The following STK32C variants were observed in gnomAD, a reference collection of about 807,000 sequenced individuals.
STK32C encodes serine/threonine kinase 32C.
STK32C carries 31 observed loss-of-function variants against 56.5 expected under a neutral mutation model. The ratio of observed to expected loss-of-function variants is 0.55; its 90% CI spans 0.41 to 0.74. STK32C has a LOEUF of 0.74. Among genes scored for constraint, STK32C ranks in the 30% least tolerant of loss-of-function variants. The pLI, the probability that STK32C is intolerant of heterozygous loss-of-function variation, is 0.00. For synonymous variants in STK32C, 309 were observed against 289.4 expected, an observed-to-expected ratio of 1.07 and a Z score of -0.69; for missense variants, 544 against 676.9, an observed-to-expected ratio of 0.80 and a Z score of 2.18.
chr10:132,286,622 CACAA>C (rs2065412245), intron 1 of STK32C, among the ~76,000 whole-genome samples: 1 of 152,096 alleles, frequency 6.6e-6, no homozygotes, highest in Non-Finnish European at 1.5e-5. Context: ...TAACTTATTA[CACAA>C]ACAAAATAAA....
At chr10:132,279,556 T>C (rs1441165619) in intron 1 of STK32C, among the ~76,000 whole-genome samples, 1 of 151,790 alleles carries the variant, frequency 6.6e-6, no homozygotes, top group East Asian at 1.9e-4. Flanking sequence ...GCACAGGAGG[T>C]CAAGGCTGCA....
rs145443489 is a variant in STK32C, at chr10:132,208,067, C to T, written c.1404G>A (p.Ala468=). 6 of 1,310,682 alleles carry T rather than the reference C, an allele frequency of 4.6e-6. No homozygotes were observed. Among genetic ancestry groups the T allele is most frequent in the East Asian group, 2.8e-5 (1 of 35,610 alleles). 81.2% of individuals were successfully genotyped at this position (1,310,682 alleles called of 1,614,324 possible). The part of the protein sequence containing the change: ...RDAAEPVEDE[A]ERSALPMCGP... ...CGCACATGGGCAGGGCGGAGCGTTC[C>T]GCCTCGTCCTCCACAGGCTCCGCAG... is the stretch of plus-strand genomic sequence containing the variant. Residue 468 remains alanine (A), a synonymous_variant, in exon 12 of 12, where the codon GCG becomes GCA. Coordinates refer to ENST00000298630, the MANE Select transcript of STK32C (RefSeq NM_173575.4).
chr10:132,216,334 C>T (rs753578085), intron 10 of STK32C, among the ~76,000 whole-genome samples: 11 of 151,862 alleles, frequency 7.2e-5, no homozygotes, highest in South Asian at 2.1e-4. Context: ...TGTGGTGGTG[C>T]GTGCCTGTAA....
At chr10:132,283,993 G>A (rs559455544) in intron 1 of STK32C, among the ~76,000 whole-genome samples, 23 of 152,150 alleles carry the variant, frequency 1.5e-4, no homozygotes, top group South Asian at 6.2e-4. Context: ...AAACCTGTCT[G>A]GCCACGGAAT....
chr10:132,216,394 G>A lies in STK32C; in HGVS notation c.1251+6247C>T, dbSNP rs1319770443. Among the ~76,000 whole-genome samples the A allele has an allele frequency of 3.3e-5, 5 of 151,342 alleles. No homozygotes were observed. In the East Asian group the frequency reaches 9.7e-4, roughly 29 times the overall value. ...CAGGAGAATCACTTGAACTTAGGAA[G>A]CGGAGGTTGCAGTGGCAATGAGCCG... is the stretch of plus-strand genomic sequence containing the variant. On this transcript the variant is annotated intron_variant, in intron 10 of 11. Coordinates refer to ENST00000298630, the MANE Select transcript of STK32C (RefSeq NM_173575.4).
intron 1 of STK32C, among the ~76,000 whole-genome samples, chr10:132,258,139 C>T (rs1332139351): frequency 6.6e-6 from 1 of 152,226 alleles, no homozygotes; most frequent in East Asian, 1.9e-4. Context: ...GTCCCAGCCC[C>T]AGGACATCGG....
At position 132,207,823 on chromosome 10, in the gene STK32C, C is replaced by T. The variant is rs972777884; in HGVS notation, c.*187G>A. 7.2e-6 allele frequency: 5 copies of T among 689,732 alleles called. No homozygotes were observed. In the Admixed American group the frequency reaches 1.3e-4, roughly 18 times the overall value. 42.7% of individuals were successfully genotyped at this position (689,732 alleles called of 1,614,324 possible). A position where few individuals can be genotyped will look rare whatever the true frequency, so the allele number is the denominator to read the frequency against. ...CGGGAAATGCCCTCCACAGGTGTCC[C>T]CTGCACCCACAGCCTCTTGTCCCCT... On this transcript the variant is annotated 3_prime_UTR_variant, in exon 12 of 12. Transcript: ENST00000298630.
At chr10:132,253,087 C>T (rs1339001645) in intron 1 of STK32C, among the ~76,000 whole-genome samples, 2 of 152,250 alleles carry the variant, frequency 1.3e-5, no homozygotes, top group Non-Finnish European at 2.9e-5. Flanking sequence ...ACAGCAGGGA[C>T]GTTCGTCCTC....
intron 1 of STK32C, among the ~76,000 whole-genome samples, chr10:132,274,788 C>T (rs1298773423): frequency 6.6e-6 from 1 of 152,226 alleles, no homozygotes; most frequent in Non-Finnish European, 1.5e-5. Flanking sequence ...GCCACCTCCA[C>T]CCCCAAGTCA....
chr10:132,238,844 C>T (rs2063394656), intron 2 of STK32C, among the ~76,000 whole-genome samples: 2 of 152,128 alleles, frequency 1.3e-5, no homozygotes, highest in African/African-American at 2.4e-5. Context: ...ACACGCAACA[C>T]ACAGACATGC....
At chr10:132,276,492 ACAAAAGGGGCGAGG>A (rs1020611384) in intron 1 of STK32C, among the ~76,000 whole-genome samples, 3 of 152,226 alleles carry the variant, frequency 2.0e-5, no homozygotes, top group Admixed American at 6.5e-5. Flanking sequence ...CACTCAGAGC[ACAAAAGGGGCGAGG>A]CACGGCGGCT....
Position 132,207,801 on chromosome 10 carries a change from GAA to G in STK32C, c.*207_*208del. The stretch of plus-strand genomic sequence containing the variant: ...CTAGGCGGGTCTCGGGGGCCCACGG[GAA>G]ATGCCCTCCACAGGTGTCCCCTGCA... On this transcript the variant is annotated 3_prime_UTR_variant, in exon 12 of 12. Transcript: ENST00000298630. The G allele has an allele frequency of 1.7e-6, 1 of 579,856 alleles. No homozygotes were observed. Among genetic ancestry groups the G allele is most frequent in the Non-Finnish European group, 2.5e-6 (1 of 394,204 alleles). 35.9% of individuals were successfully genotyped at this position (579,856 alleles called of 1,614,324 possible).
chr10:132,236,502 C>T lies in STK32C; in HGVS notation c.319-8374G>A, dbSNP rs192159190. Reference sequence around the variant, plus strand: ...GCCACGTGTGGGCCCAGCGCAGTGGCGAGGAAGCTTCCTTCTCACTCGCGG... The same window carrying T: ...GCCACGTGTGGGCCCAGCGCAGTGGTGAGGAAGCTTCCTTCTCACTCGCGG... On this transcript the variant is annotated intron_variant, in intron 2 of 11. Coordinates refer to ENST00000298630, the MANE Select transcript of STK32C (RefSeq NM_173575.4). Among the ~76,000 whole-genome samples the T allele has an allele frequency of 5.3e-5, 8 of 152,308 alleles. No homozygotes were observed. In the East Asian group the frequency reaches 1.5e-3, roughly 29 times the overall value.
intron 8 of STK32C, 138 bp downstream of exon 8, chr10:132,224,269 A>C (rs2062793517): frequency 4.4e-6 from 3 of 678,880 alleles, no homozygotes; most frequent in Non-Finnish European, 2.6e-6. Context: ...GGAGGCCCCC[A>C]CAGGTTGCAG....
At chr10:132,326,678 G>C (rs77674759) in intron 1 of STK32C, among the ~76,000 whole-genome samples, 1 of 152,170 alleles carries the variant, frequency 6.6e-6, no homozygotes, top group South Asian at 2.1e-4. Context: ...AAAAGGAGAG[G>C]AGTATCATGA....
exon 2 of STK32C, chr10:132,324,172 C>G: frequency 1.3e-6 from 1 of 764,774 alleles, no homozygotes; most frequent in South Asian, 1.4e-5. Flanking sequence ...GAGTCTGAGT[C>G]TCCCTGGGTA....
At chr10:132,224,935 T>C (rs1463010798) in intron 7 of STK32C, among the ~76,000 whole-genome samples, 4 of 152,318 alleles carry the variant, frequency 2.6e-5, no homozygotes, top group Admixed American at 2.6e-4. Context: ...AGAAACTTTT[T>C]GTGGAAAGTT....
chr10:132,233,937 G>C (rs2063184439), intron 2 of STK32C, among the ~76,000 whole-genome samples: 1 of 152,264 alleles, frequency 6.6e-6, no homozygotes, highest in Non-Finnish European at 1.5e-5. Flanking sequence ...TGGAAGAGCA[G>C]ATGGGCTGGG....
chr10:132,240,208 G>A (rs560181984), intron 2 of STK32C, among the ~76,000 whole-genome samples: 10 of 152,320 alleles, frequency 6.6e-5, no homozygotes, highest in Non-Finnish European at 1.2e-4. Flanking sequence ...CCCAGAACCC[G>A]GACACCTGCA....
Sources: gnomAD v4.1 joint callset for allele counts (sites outside exome capture counted in the v4.1 genomes callset) on GRCh38, gnomAD v4.1.1 for gene constraint, MANE v1.5 for transcripts, NCBI Gene and HGNC (gene_info 2026-07-23, HGNC 2026-07-21) for gene names.